The following KCNMB2 variants were observed in gnomAD, a reference collection of about 807,000 sequenced individuals.
The protein encoded by KCNMB2 is potassium calcium-activated channel subfamily M regulatory beta subunit 2.
A neutral mutation model predicts 24.5 loss-of-function variants in KCNMB2; 9 were observed. The observed-to-expected ratio is 0.37, with a 90% CI of 0.22 to 0.64. The LOEUF is 0.64. Ranked by LOEUF, KCNMB2 falls within the 30% of genes least tolerant of loss-of-function variation. The pLI is 0.63. For missense variants in KCNMB2, 226 were observed against 284.3 expected, an observed-to-expected ratio of 0.79 and a Z score of 1.47; for synonymous variants, 109 against 104.4, an observed-to-expected ratio of 1.04 and a Z score of -0.27.
intron 1 of KCNMB2, among the ~76,000 whole-genome samples, chr3:178,655,276 T>C (rs183045662): frequency 1.3e-5 from 2 of 152,314 alleles, no homozygotes; most frequent in East Asian, 3.9e-4. Context: ...AAATGTAAGA[T>C]AATTATTGTA....
In KCNMB2 at chr3:178,810,647, C is replaced by T. The variant is rs373485230; in HGVS notation, c.56+3182C>T. Among the ~76,000 whole-genome samples the T allele has an allele frequency of 3.3e-4, 51 of 152,296 alleles. 1 individual carries two copies. The South Asian group carries it at 0.01, about 31-fold the overall frequency. On this transcript the variant is annotated intron_variant, in intron 2 of 4. Transcript: ENST00000452583. ...AAAACATAAGGTCCTATCTTCATCT[C>T]CCATTCTGCAACCCAGCAATGTGGA...
intron 2 of KCNMB2, among the ~76,000 whole-genome samples, chr3:178,815,946 T>G (rs753710772): frequency 6.6e-6 from 1 of 151,924 alleles, no homozygotes; most frequent in Non-Finnish European, 1.5e-5. Flanking sequence ...ATTTCACGTT[T>G]ATGTTTGTGA....
intron 2 of KCNMB2, chr3:178,820,421 T>A (rs939230652): frequency 1.3e-5 from 2 of 152,710 alleles, no homozygotes; most frequent in Non-Finnish European, 2.9e-5. Context: ...TGATGAAGAC[T>A]TAGAAATGTT....
intron 1 of KCNMB2, among the ~76,000 whole-genome samples, chr3:178,733,052 G>C (rs1369654596): frequency 6.6e-6 from 1 of 152,268 alleles, no homozygotes; most frequent in African/African-American, 2.4e-5. Flanking sequence ...CTCTACTCTT[G>C]TGTATCTTTG....
At chr3:178,579,617 C>A (rs1052117351) in intron 1 of KCNMB2, among the ~76,000 whole-genome samples, 4 of 152,058 alleles carry the variant, frequency 2.6e-5, no homozygotes, top group African/African-American at 7.2e-5. Flanking sequence ...AATAGATAGA[C>A]CACTCTCCAG....
intron 2 of KCNMB2, among the ~76,000 whole-genome samples, chr3:178,809,431 G>A (rs1560030380): frequency 6.6e-6 from 1 of 152,196 alleles, no homozygotes; most frequent in Non-Finnish European, 1.5e-5. Context: ...TCTTAAGATA[G>A]ATATTATTAT....
At chr3:178,811,417 A>T (rs1246677718) in intron 2 of KCNMB2, among the ~76,000 whole-genome samples, 1 of 152,162 alleles carries the variant, frequency 6.6e-6, no homozygotes, top group Non-Finnish European at 1.5e-5. Flanking sequence ...ATCTTTAAAC[A>T]ATATATTGTT....
intron 1 of KCNMB2, among the ~76,000 whole-genome samples, chr3:178,762,513 A>C (rs1028840654): frequency 6.6e-6 from 1 of 152,218 alleles, no homozygotes; most frequent in African/African-American, 2.4e-5. Context: ...ATAGATTTAA[A>C]ACAAGGGAAG....
intron 1 of KCNMB2, among the ~76,000 whole-genome samples, chr3:178,718,840 A>T (rs1406961939): frequency 6.6e-6 from 1 of 152,172 alleles, no homozygotes; most frequent in Admixed American, 6.5e-5. Flanking sequence ...GGTCATACCA[A>T]CATCAGAGAC....
intron 1 of KCNMB2, among the ~76,000 whole-genome samples, chr3:178,650,066 G>C (rs956918315): frequency 6.6e-6 from 1 of 152,178 alleles, no homozygotes; most frequent in Non-Finnish European, 1.5e-5. Flanking sequence ...TGGTTTCAAA[G>C]AACTTATTTA....
At chr3:178,584,888 C>G (rs959979590) in intron 1 of KCNMB2, among the ~76,000 whole-genome samples, 2 of 151,988 alleles carry the variant, frequency 1.3e-5, no homozygotes, top group African/African-American at 4.8e-5. Context: ...ATTGCAATAA[C>G]CTCCCTCCAT....
intron 1 of KCNMB2, among the ~76,000 whole-genome samples, chr3:178,662,103 GAATA>G (rs1720553666): frequency 6.6e-6 from 1 of 152,284 alleles, no homozygotes; most frequent in East Asian, 1.9e-4. Flanking sequence ...CTCTAGATGT[GAATA>G]AATATTGTTT....
At chr3:178,577,687 G>C (rs1178999090) in intron 1 of KCNMB2, among the ~76,000 whole-genome samples, 4 of 152,196 alleles carry the variant, frequency 2.6e-5, no homozygotes, top group Non-Finnish European at 5.9e-5. Context: ...CACAAGTTTA[G>C]AGAAGATGGA....
rs368136632 is a variant in KCNMB2, at chr3:178,691,297, T to G, written c.-67-116046T>G. 9.3e-5 allele frequency among the ~76,000 whole-genome samples: 14 copies of G among 150,854 alleles called. No homozygotes were observed. In the East Asian group the frequency reaches 1.9e-3, roughly 21 times the overall value. The stretch of plus-strand genomic sequence containing the variant: ...AGTTCAGGAGTACATGTGCAGGTTT[T>G]TTTTTTTTTTAACATAGATAAACTT... On this transcript the variant is annotated intron_variant, in intron 1 of 4. Coordinates refer to ENST00000452583, the MANE Select transcript of KCNMB2 (RefSeq NM_181361.3).
intron 1 of KCNMB2, among the ~76,000 whole-genome samples, chr3:178,633,603 C>T (rs550387050): frequency 6.6e-6 from 1 of 152,282 alleles, no homozygotes; most frequent in East Asian, 1.9e-4. Flanking sequence ...TGGGTGGGCA[C>T]CTGTACCTGC....
At chr3:178,602,102 T>C (rs1038762097) in intron 1 of KCNMB2, among the ~76,000 whole-genome samples, 2 of 152,162 alleles carry the variant, frequency 1.3e-5, no homozygotes, top group African/African-American at 4.8e-5. Context: ...AATACCCTAA[T>C]ATCACCACTC....
intron 1 of KCNMB2, among the ~76,000 whole-genome samples, 183 bp from the exon 2 acceptor site, chr3:178,807,160 T>C (rs1418266442): frequency 6.6e-6 from 1 of 152,216 alleles, no homozygotes; most frequent in Non-Finnish European, 1.5e-5. Flanking sequence ...TTTAAAAAGA[T>C]TGAATGCAAA....
At chr3:178,727,345 T>C (rs1220794592) in intron 1 of KCNMB2, among the ~76,000 whole-genome samples, 1 of 152,136 alleles carries the variant, frequency 6.6e-6, no homozygotes, top group Non-Finnish European at 1.5e-5. Context: ...TAGAAGGCTT[T>C]TATTAGTGTC....
intron 1 of KCNMB2, among the ~76,000 whole-genome samples, chr3:178,739,175 C>A (rs1723414659): frequency 6.6e-6 from 1 of 151,904 alleles, no homozygotes; most frequent in Non-Finnish European, 1.5e-5. Context: ...TGGGCCAACC[C>A]CACTTCCATA....
Sources: gnomAD v4.1 joint callset for allele counts (sites outside exome capture counted in the v4.1 genomes callset) on GRCh38, gnomAD v4.1.1 for gene constraint, MANE v1.5 for transcripts, NCBI Gene and HGNC (gene_info 2026-07-23, HGNC 2026-07-21) for gene names.